The following CADM2 variants were observed in gnomAD, a reference collection of about 807,000 sequenced individuals.
CADM2 encodes the protein immunoglobulin superfamily member 4D.
A neutral mutation model predicts 49.8 loss-of-function variants in CADM2; 12 were observed. The observed-to-expected ratio is 0.24, with a 90% CI of 0.15 to 0.39. The LOEUF (loss-of-function observed/expected upper bound fraction) is 0.39. CADM2 is among the 10% of genes least tolerant of loss of function. The pLI is 1.00. For missense variants in CADM2, 378 were observed against 492.3 expected, an observed-to-expected ratio of 0.77 and a Z score of 2.20; for synonymous variants, 214 against 175.4, an observed-to-expected ratio of 1.22 and a Z score of -1.74.
intron 1 of CADM2, among the ~76,000 whole-genome samples, chr3:85,715,038 A>G (rs1421758633): frequency 2.0e-5 from 3 of 152,252 alleles, no homozygotes; most frequent in Non-Finnish European, 2.9e-5. Flanking sequence ...ATACATTTAT[A>G]TAATGTATAC....
At chr3:85,638,604 A>C (rs749167723) in intron 1 of CADM2, among the ~76,000 whole-genome samples, 1 of 152,032 alleles carries the variant, frequency 6.6e-6, no homozygotes, top group South Asian at 2.1e-4. Flanking sequence ...TTTACTGTAA[A>C]TATTTTCTAC....
At position 85,390,173 on chromosome 3, in the gene CADM2, G is replaced by T. The variant is rs555171050; in HGVS notation, c.62-336349G>T. Among the ~76,000 whole-genome samples the T allele has an allele frequency of 3.9e-5, 6 of 152,094 alleles. No homozygotes were observed. The East Asian group carries it at 1.2e-3, about 29-fold the overall frequency. On this transcript the variant is annotated intron_variant, in intron 1 of 9. Transcript: ENST00000383699. ...ATTTCTAATGGGAGACCTCATGCTA[G>T]ATTCTGAGGATTTAAAAAAATAAGT...
chr3:85,207,410 A>G (rs2041672290), intron 1 of CADM2, among the ~76,000 whole-genome samples: 1 of 152,090 alleles, frequency 6.6e-6, no homozygotes, highest in Admixed American at 6.5e-5. Context: ...TGAGAACCAC[A>G]CTTCATTTAA....
chr3:85,347,964 C>CAA (rs1559792931), intron 1 of CADM2, among the ~76,000 whole-genome samples: 1 of 151,970 alleles, frequency 6.6e-6, no homozygotes, highest in African/African-American at 2.4e-5. Context: ...CCCACCACTG[C>CAA]GCCTGGCTAA....
chr3:85,539,180 G>A (rs911467450), intron 1 of CADM2, among the ~76,000 whole-genome samples: 20 of 150,874 alleles, frequency 1.3e-4, no homozygotes, highest in African/African-American at 4.6e-4. Flanking sequence ...AAGTCTTCTA[G>A]TGCTTAACTT....
chr3:85,006,294 C>A (rs1456334166), intron 1 of CADM2, among the ~76,000 whole-genome samples: 1 of 152,090 alleles, frequency 6.6e-6, no homozygotes, highest in Non-Finnish European at 1.5e-5. Flanking sequence ...GCAGGGAAAT[C>A]ACTTTGGGAA....
At chr3:85,633,845 A>T (rs1479263091) in intron 1 of CADM2, among the ~76,000 whole-genome samples, 2 of 152,108 alleles carry the variant, frequency 1.3e-5, no homozygotes, top group African/African-American at 4.8e-5. Context: ...ATTTTGTATA[A>T]TATAACAAAC....
intron 1 of CADM2, among the ~76,000 whole-genome samples, chr3:85,530,592 G>GGCCA (rs1347960608): frequency 6.6e-6 from 1 of 151,938 alleles, no homozygotes. Flanking sequence ...GCCTCCCAAA[G>GGCCA]TGCTGGGATT....
At chr3:85,507,917 G>C (rs1319276931) in intron 1 of CADM2, among the ~76,000 whole-genome samples, 1 of 94,080 alleles carries the variant, frequency 1.1e-5, no homozygotes, top group Non-Finnish European at 2.5e-5. Context: ...CTGTTTACCT[G>C]AGTTGTAAAA....
At chr3:85,938,207 T>G (rs1721416707) in intron 7 of CADM2, among the ~76,000 whole-genome samples, 1 of 152,116 alleles carries the variant, frequency 6.6e-6, no homozygotes, top group South Asian at 2.1e-4. Context: ...TTTTAGCCTT[T>G]CTGTAGTTTA....
At chr3:85,416,145 TC>T (rs1373380547) in intron 1 of CADM2, among the ~76,000 whole-genome samples, 4 of 152,124 alleles carry the variant, frequency 2.6e-5, no homozygotes, top group Admixed American at 6.6e-5. Context: ...AAAATTGTAT[TC>T]TTTTGTAATG....
chr3:85,265,486 T>G (rs916457960), intron 1 of CADM2, among the ~76,000 whole-genome samples: 1 of 151,806 alleles, frequency 6.6e-6, no homozygotes, highest in African/African-American at 2.4e-5. Context: ...CAAGAGAGCA[T>G]GAGAGAGAGA....
At chr3:85,101,408 C>T (rs192742655) in intron 1 of CADM2, among the ~76,000 whole-genome samples, 3 of 151,980 alleles carry the variant, frequency 2.0e-5, no homozygotes, top group African/African-American at 7.2e-5. Context: ...TATATTATAA[C>T]GTATAAAGGC....
chr3:85,912,192 A>C (rs1717697535), intron 5 of CADM2, among the ~76,000 whole-genome samples, 181 bp from the exon 6 acceptor site: 1 of 152,060 alleles, frequency 6.6e-6, no homozygotes, highest in South Asian at 2.1e-4. Flanking sequence ...TGAAGAATTT[A>C]TTTTTTAAGT....
intron 1 of CADM2, among the ~76,000 whole-genome samples, chr3:85,191,919 G>A (rs2041217932): frequency 6.6e-6 from 1 of 150,472 alleles, no homozygotes; most frequent in African/African-American, 2.5e-5. Flanking sequence ...AACTGCCTCT[G>A]AATAGAGAGT....
intron 1 of CADM2, among the ~76,000 whole-genome samples, chr3:85,381,423 T>TTATA (rs201277075): frequency 2.1e-4 from 30 of 145,906 alleles, no homozygotes; most frequent in African/African-American, 6.0e-4. Context: ...GTATGTTGCT[T>TTATA]TATATATATA....
intron 1 of CADM2, among the ~76,000 whole-genome samples, chr3:85,272,974 A>G (rs1453698850): frequency 2.0e-5 from 3 of 151,280 alleles, no homozygotes; most frequent in Non-Finnish European, 4.4e-5. Context: ...AACAACAACA[A>G]TTAGGAAAGG....
Position 85,895,744 on chromosome 3 carries a change from G to A in CADM2, c.529+9417G>A, listed in dbSNP as rs543806914. On this transcript the variant is annotated intron_variant, in intron 5 of 9. Transcript: ENST00000383699. ...ATAGTAAATAAGTCTCATGAGATCT[G>A]ATGGTTATATAAAGGGCAATTCCCC... is the stretch of plus-strand genomic sequence containing the variant. 3.3e-5 allele frequency among the ~76,000 whole-genome samples: 5 copies of A among 152,262 alleles called. No homozygotes were observed. The East Asian group carries it at 9.7e-4, about 29-fold the overall frequency.
chr3:85,791,162 A>C (rs959681557), intron 2 of CADM2, among the ~76,000 whole-genome samples: 2 of 152,176 alleles, frequency 1.3e-5, no homozygotes, highest in African/African-American at 4.8e-5. Context: ...CTTAGTTATC[A>C]GTCTTAGTTT....
Sources: allele counts gnomAD v4.1 joint callset (sites outside exome capture counted in the v4.1 genomes callset), GRCh38; gene constraint gnomAD v4.1.1; transcripts MANE v1.5; gene names NCBI Gene and HGNC (gene_info 2026-07-23, HGNC 2026-07-21).